The following KLHL25 variants were observed in gnomAD, a reference collection of about 807,000 sequenced individuals.
KLHL25 encodes the protein kelch like family member 25, also known as kelch-like protein 25.
KLHL25 carries 41 observed loss-of-function variants against 30.0 expected under a neutral mutation model. The ratio of observed to expected loss-of-function variants is 1.37; its 90% CI spans 1.07 to 1.78. KLHL25 has a LOEUF of 1.78. KLHL25 is among the 40% of genes most tolerant of loss of function. KLHL25 has a pLI of 0.00. For missense variants in KLHL25, 971 were observed against 824.5 expected (o/e 1.18, Z -2.18); for synonymous variants, 399 against 355.3 (o/e 1.12, Z -1.38).
At chr15:85,784,073 T>C (rs372722285) in intron 1 of KLHL25, among the ~76,000 whole-genome samples, 2 of 152,374 alleles carry the variant, frequency 1.3e-5, no homozygotes, top group South Asian at 2.1e-4. Flanking sequence ...TTGTTATTGA[T>C]GCAGGTCCAT....
At chr15:85,774,825 T>C (rs2089699114) in intron 1 of KLHL25, among the ~76,000 whole-genome samples, 2 of 151,700 alleles carry the variant, frequency 1.3e-5, no homozygotes, top group Non-Finnish European at 2.9e-5. Context: ...TATGGCCCCC[T>C]GGTACAAAAT....
chr15:85,771,528 G>C (rs749688128), intron 1 of KLHL25, among the ~76,000 whole-genome samples: 1 of 152,248 alleles, frequency 6.6e-6, no homozygotes, highest in Non-Finnish European at 1.5e-5. Context: ...AGGCAGAGAA[G>C]CCACAAACTG....
intron 1 of KLHL25, among the ~76,000 whole-genome samples, chr15:85,793,219 G>A (rs1163349271): frequency 1.3e-5 from 2 of 152,140 alleles, no homozygotes; most frequent in African/African-American, 4.8e-5. Flanking sequence ...TTCCGATGTG[G>A]AGCATGCAAT....
rs1245503855 is a variant in KLHL25 at position 85,768,168 on chromosome 15, C to T, written c.1643G>A (p.Gly548Glu). The change falls in exon 2 of 3, where the codon GGG becomes GAG. Residue 548 changes from glycine (G) to glutamate (E), a missense_variant. By Grantham distance (98) the Gly-to-Glu change is moderately conservative (BLOSUM62 -2). Coordinates refer to ENST00000337975, the MANE Select transcript of KLHL25 (RefSeq NM_022480.4). ...GTCCAGAGTCTTACACCTCTGGGTC[C>T]CAAAGTAGCCCCCGACCACATAGAG... The part of the protein sequence containing the change: ...NKLYVVGGYF[G>E]TQRCKTLDCY... 5 of 1,614,212 alleles carry T rather than the reference C, an allele frequency of 3.1e-6. No individual in the cohort carries two copies. Among genetic ancestry groups the T allele is most frequent in the Non-Finnish European group, 4.2e-6 (5 of 1,180,040 alleles).
chr15:85,773,863 C>T (rs1427836481), intron 1 of KLHL25, among the ~76,000 whole-genome samples: 1 of 152,038 alleles, frequency 6.6e-6, no homozygotes, highest in African/African-American at 2.4e-5. Flanking sequence ...TTTGCTGAGG[C>T]CTGTCACTTA....
At chr15:85,771,117 C>T in intron 1 of KLHL25, 1 of 188,784 alleles carries the variant, frequency 5.3e-6, no homozygotes, top group Non-Finnish European at 1.2e-5. Context: ...AAGACCCTCA[C>T]CAGAGTCTCC....
chr15:85,782,852 A>G (rs1321578838), intron 1 of KLHL25, among the ~76,000 whole-genome samples: 1 of 152,156 alleles, frequency 6.6e-6, no homozygotes, highest in African/African-American at 2.4e-5. Flanking sequence ...TCCTCAGGTC[A>G]CTGCGTATTG....
intron 1 of KLHL25, among the ~76,000 whole-genome samples, chr15:85,778,251 A>T (rs2089722446): frequency 6.6e-6 from 1 of 152,184 alleles, no homozygotes; most frequent in Non-Finnish European, 1.5e-5. Context: ...GCCTGGAAAG[A>T]CACACAGCAC....
In KLHL25 at chr15:85,768,304, A is replaced by G; in HGVS notation, c.1507T>C (p.Phe503Leu). The change falls in exon 2 of 3, where the codon TTC (phenylalanine) becomes CTC (leucine). Residue 503 changes from phenylalanine to leucine, a missense_variant. Phe to Leu is a conservative substitution (Grantham distance 22). Coordinates refer to ENST00000337975, the MANE Select transcript of KLHL25 (RefSeq NM_022480.4). ...AAGCGGTAGGCCGAGGCGGCTGTGA[A>G]TTCCGTGTCACCTCCCATGATGAAG... is the stretch of plus-strand genomic sequence containing the variant. The part of the protein sequence containing the change: ...QIFIMGGDTE[F>L]TAASAYRFDC... The G allele has an allele frequency of 6.2e-7, 1 of 1,614,034 alleles. No homozygotes were observed. The highest frequency in any genetic ancestry group is 1.1e-5 in the South Asian group (1 of 91,084).
intron 1 of KLHL25, among the ~76,000 whole-genome samples, chr15:85,784,912 A>G (rs2089770567): frequency 6.6e-6 from 1 of 152,194 alleles, no homozygotes; most frequent in Non-Finnish European, 1.5e-5. Context: ...TAAGCCTGTG[A>G]TGATGTGTTA....
chr15:85,759,636 C>T lies in KLHL25; in HGVS notation c.*1400G>A, dbSNP rs976427518. 6.6e-6 allele frequency: 1 copy of T among 152,332 alleles called. No homozygotes were observed. Among genetic ancestry groups the T allele is most frequent in the African/African-American group, 2.4e-5 (1 of 41,460 alleles). 9.4% of individuals were successfully genotyped at this position (152,332 alleles called of 1,614,324 possible). On this transcript the variant is annotated 3_prime_UTR_variant, in exon 3 of 3. Transcript: ENST00000337975. ...CATGGCGGGCGTGTCAGTGGGCAAA[C>T]CCTGCCCAAAGGTCCCACCCCCAAG...
chr15:85,764,755 CAT>C (rs1423062382), intron 2 of KLHL25, among the ~76,000 whole-genome samples: 2 of 152,218 alleles, frequency 1.3e-5, no homozygotes, highest in African/African-American at 4.8e-5. Context: ...TCAGCATCAG[CAT>C]CTCCCTGTCC....
intron 2 of KLHL25, chr15:85,761,663 T>G (rs530983897): frequency 6.6e-6 from 1 of 151,896 alleles, no homozygotes; most frequent in Non-Finnish European, 1.5e-5. Context: ...ATTCCCCTAA[T>G]AGAGTAAGTT....
intron 2 of KLHL25, chr15:85,762,904 C>T (rs2089592932): frequency 6.6e-6 from 1 of 152,414 alleles, no homozygotes; most frequent in Non-Finnish European, 1.5e-5. Context: ...GATTAATGAG[C>T]TCGGCCTTTC....
chr15:85,792,201 T>C (rs923745776), intron 1 of KLHL25, among the ~76,000 whole-genome samples: 1 of 152,176 alleles, frequency 6.6e-6, no homozygotes, highest in Non-Finnish European at 1.5e-5. Context: ...CCTGTTGGGA[T>C]GCTGTGACTG....
chr15:85,775,178 G>C (rs1342614581), intron 1 of KLHL25, among the ~76,000 whole-genome samples: 1 of 152,174 alleles, frequency 6.6e-6, no homozygotes, highest in Admixed American at 6.5e-5. Context: ...CGCCCGGCCA[G>C]GGCGATTATT....
chr15:85,775,406 C>T (rs1232099570), intron 1 of KLHL25, among the ~76,000 whole-genome samples: 1 of 152,130 alleles, frequency 6.6e-6, no homozygotes, highest in Admixed American at 6.5e-5. Flanking sequence ...TTCACGGCCA[C>T]CCTGCAGGAG....
intron 1 of KLHL25, among the ~76,000 whole-genome samples, chr15:85,778,544 G>A (rs1274530916): frequency 6.6e-6 from 1 of 152,196 alleles, no homozygotes; most frequent in Non-Finnish European, 1.5e-5. Context: ...AGGAAACTGG[G>A]CAGGGAGGTG....
At chr15:85,761,154 A>G (rs1260559802) in intron 2 of KLHL25, 143 bp from the exon 3 acceptor site, 1 of 152,288 alleles carries the variant, frequency 6.6e-6, no homozygotes, top group Non-Finnish European at 1.5e-5. Flanking sequence ...CCGGCAGCGC[A>G]GTCTGGTGAT....
Sources: gnomAD v4.1 joint callset for allele counts (sites outside exome capture counted in the v4.1 genomes callset) on GRCh38, gnomAD v4.1.1 for gene constraint, MANE v1.5 for transcripts, NCBI Gene and HGNC (gene_info 2026-07-23, HGNC 2026-07-21) for gene names.